GPC3: variants seen among roughly 807,000 people sequenced by gnomAD.
The protein encoded by GPC3 is glypican-3.
GPC3 carries 3 observed loss-of-function variants against 34.4 expected under a neutral mutation model. The ratio of observed to expected loss-of-function variants is 0.09; its 90% CI spans 0.04 to 0.23. The LOEUF (loss-of-function observed/expected upper bound fraction) is 0.23, where lower values mean the gene tolerates loss of function less well. GPC3 is among the 10% of genes least tolerant of loss of function. The pLI is 1.00. For missense variants in GPC3, 351 were observed against 445.6 expected, an observed-to-expected ratio of 0.79 and a Z score of 1.91; for synonymous variants, 177 against 174.0, an observed-to-expected ratio of 1.02 and a Z score of -0.13.
intron 7 of GPC3, among the ~76,000 whole-genome samples, chrX:133,575,997 T>C (rs1356584381): frequency 6.3e-5 from 7 of 111,766 alleles, no homozygotes; most frequent in African/African-American, 1.6e-4. Flanking sequence ...AGCTCCTCTC[T>C]ATAGCACTTA....
At chrX:133,931,051 A>G (rs184855678) in intron 2 of GPC3, among the ~76,000 whole-genome samples, 1 of 112,073 alleles carries the variant, frequency 8.9e-6, no homozygotes, top group Admixed American at 9.5e-5. Context: ...CACTCAAATA[A>G]GAGTGTCTGG....
At chrX:133,849,084 CTTTTTTTTT>C (rs60339728) in intron 2 of GPC3, among the ~76,000 whole-genome samples, 50 of 46,268 alleles carry the variant, frequency 1.1e-3, no homozygotes, top group African/African-American at 4.5e-3. Context: ...ACTAAAGTTT[CTTTTTTTTT>C]TTTTTTTTTT....
intron 2 of GPC3, among the ~76,000 whole-genome samples, chrX:133,932,791 A>C (rs923603804): frequency 3.0e-4 from 33 of 111,261 alleles, no homozygotes; most frequent in Non-Finnish European, 3.8e-4. Context: ...ATAAAATTTC[A>C]GGGGCTTCAA....
intron 2 of GPC3, among the ~76,000 whole-genome samples, chrX:133,933,755 T>C (rs2076308958): frequency 9.0e-6 from 1 of 110,809 alleles, no homozygotes; most frequent in Non-Finnish European, 1.9e-5. Flanking sequence ...TGCTTCACCT[T>C]CCACCATGAG....
At chrX:133,948,913 T>G (rs2076380854) in intron 2 of GPC3, among the ~76,000 whole-genome samples, 1 of 112,232 alleles carries the variant, frequency 8.9e-6, no homozygotes. Flanking sequence ...AATGCATCAT[T>G]TATTTGGCAC....
intron 6 of GPC3, among the ~76,000 whole-genome samples, chrX:133,627,313 A>T (rs1046979698): frequency 2.2e-4 from 24 of 110,765 alleles, no homozygotes; most frequent in East Asian, 5.7e-4. Context: ...TAAAAGTATA[A>T]AAAAAAAGAG....
At chrX:133,869,502 G>A (rs898120366) in intron 2 of GPC3, among the ~76,000 whole-genome samples, 2 of 112,129 alleles carry the variant, frequency 1.8e-5, no homozygotes, top group Admixed American at 9.4e-5. Flanking sequence ...GCAACTATAA[G>A]CATGATGAGG....
chrX:133,536,304 A>G lies in GPC3; in HGVS notation c.1574-11T>C, dbSNP rs748751742. 13 of 1,179,202 alleles carry G rather than the reference A, an allele frequency of 1.1e-5. No homozygotes were observed. In the South Asian group the frequency reaches 2.3e-4, roughly 21 times the overall value. Reference sequence around the variant, plus strand: ...GATCATAGGCCAGTTCTGTCAATCAAAAGAGAAGGATTTGAAATGCAAGTC... The same window carrying G: ...GATCATAGGCCAGTTCTGTCAATCAGAAGAGAAGGATTTGAAATGCAAGTC... On this transcript the variant is annotated splice_polypyrimidine_tract_variant and intron_variant, in intron 7 of 7. Transcript: ENST00000370818.
chrX:133,649,266 ATATGTG>A, intron 6 of GPC3, among the ~76,000 whole-genome samples: 1 of 99,542 alleles, frequency 1.0e-5, no homozygotes, highest in African/African-American at 3.6e-5. Flanking sequence ...GGATATATAT[ATATGTG>A]TGTGTGTGTG....
chrX:133,882,574 T>G (rs1156697684), intron 2 of GPC3, among the ~76,000 whole-genome samples: 1 of 110,410 alleles, frequency 9.1e-6, no homozygotes, highest in African/African-American at 3.3e-5. Flanking sequence ...AACCTTGAGT[T>G]GAATTAACAA....
chrX:133,768,780 A>G (rs1470761741), intron 2 of GPC3, among the ~76,000 whole-genome samples: 1 of 110,384 alleles, frequency 9.1e-6, no homozygotes, highest in African/African-American at 3.3e-5. Flanking sequence ...CTCTACTAAA[A>G]ATACAAAAAA....
At position 133,634,553 on chromosome X, in the gene GPC3, A is replaced by G. The variant is rs111834664; in HGVS notation, c.1413+27177T>C. Among the ~76,000 whole-genome samples the G allele has an allele frequency of 2.3e-3, 255 of 112,654 alleles. 1 individual carries two copies. The highest frequency in any genetic ancestry group is 4.3e-3 in the Non-Finnish European group (227 of 53,341). ...ACAGCACAGATTAACCTGAAAAACAATATGCTAAATGAAAGAAGCCTGACA... is the reference window on the plus strand; with the variant it reads ...ACAGCACAGATTAACCTGAAAAACAGTATGCTAAATGAAAGAAGCCTGACA... On this transcript the variant is annotated intron_variant, in intron 6 of 7. Coordinates refer to ENST00000370818, the MANE Select transcript of GPC3 (RefSeq NM_004484.4).
rs878877541 is a variant in GPC3, at chrX:133,671,344, C to T, written c.1293-9494G>A. 37 of 623,637 alleles carry T rather than the reference C, an allele frequency of 5.9e-5. No homozygotes were observed. In the East Asian group the frequency reaches 1.1e-3, roughly 18 times the overall value. The allele number at this position is 623,637 out of a possible 1,213,427, so 51.4% of individuals were successfully genotyped here. ...ACCCAATAAAGAAAGTCAGGGGGAC[C>T]GCAAAGGCCAATGTTGGTGCTGGCA... is the stretch of plus-strand genomic sequence containing the variant. On this transcript the variant is annotated intron_variant, in intron 5 of 7. Coordinates refer to ENST00000370818, the MANE Select transcript of GPC3 (RefSeq NM_004484.4).
chrX:133,646,871 G>T, intron 6 of GPC3, among the ~76,000 whole-genome samples: 2 of 111,968 alleles, frequency 1.8e-5, no homozygotes, highest in Middle Eastern at 4.6e-3. Flanking sequence ...CAGGAAGAGA[G>T]TTCATGGATT....
chrX:133,620,567 T>TC (rs2070221594), intron 6 of GPC3, among the ~76,000 whole-genome samples: 1 of 111,135 alleles, frequency 9.0e-6, no homozygotes, highest in South Asian at 3.8e-4. Flanking sequence ...GCCCAGGGTG[T>TC]CCCAAAGTTA....
intron 5 of GPC3, among the ~76,000 whole-genome samples, chrX:133,685,225 G>A (rs1455021130): frequency 9.0e-6 from 1 of 111,350 alleles, no homozygotes; most frequent in Admixed American, 9.6e-5. Flanking sequence ...GATCATAGGG[G>A]AAAAAAGAAG....
At chrX:133,937,183 G>A (rs1394806531) in intron 2 of GPC3, among the ~76,000 whole-genome samples, 2 of 110,768 alleles carry the variant, frequency 1.8e-5, no homozygotes, top group East Asian at 5.6e-4. Context: ...ATGGCATCGG[G>A]GCCACAATCC....
chrX:133,575,122 C>A (rs1161381287), intron 7 of GPC3, among the ~76,000 whole-genome samples: 3 of 111,866 alleles, frequency 2.7e-5, no homozygotes, highest in Non-Finnish European at 5.6e-5. Context: ...GACCTTAAAC[C>A]ATTTACTTAA....
chrX:133,637,386 C>T (rs1277786097), intron 6 of GPC3, among the ~76,000 whole-genome samples: 1 of 108,134 alleles, frequency 9.2e-6, no homozygotes, highest in African/African-American at 3.4e-5. Flanking sequence ...CACTGCACTC[C>T]AGCCTGGGCA....
Sources: gnomAD v4.1 joint callset for allele counts (sites outside exome capture counted in the v4.1 genomes callset) on GRCh38, gnomAD v4.1.1 for gene constraint, MANE v1.5 for transcripts, NCBI Gene and HGNC (gene_info 2026-07-23, HGNC 2026-07-21) for gene names.